Variants in XAB2 observed in about 807,000 individuals in gnomAD.
XAB2 encodes the protein pre-mRNA-splicing factor SYF1.
In XAB2, 57 loss-of-function variants were observed where a neutral mutation model predicts 113.4. The ratio of observed to expected loss-of-function variants is 0.50; its 90% CI spans 0.41 to 0.63. The LOEUF (loss-of-function observed/expected upper bound fraction) is 0.63. Among genes scored for constraint, XAB2 ranks in the 20% least tolerant of loss-of-function variants. The probability of loss-of-function intolerance (pLI) is 0.00; values close to 1 mark genes in which losing one functional copy is unlikely to be tolerated. For synonymous variants in XAB2, 497 were observed against 498.8 expected (o/e 1.00, Z 0.05); for missense variants, 1,037 against 1,233.3 (o/e 0.84, Z 2.38).
rs2335521 is a variant in XAB2, at chr19:7,623,728, T to C, written c.1119+3A>G. ...GGGTAGGACTGGGGCAGGCTTCATG[T>C]ACCTCCCGGGGGCGGCCCTGGTGCA... On this transcript the variant is annotated splice_donor_region_variant and intron_variant, in intron 8 of 18. Coordinates refer to ENST00000358368, the MANE Select transcript of XAB2 (RefSeq NM_020196.3). The surrounding 1 kb of genome is among the most constrained non-coding windows in gnomAD (Gnocchi z 4.6). 221,736 of 1,592,240 alleles carry C rather than the reference T, an allele frequency of 0.14. 16,599 individuals are homozygous for C. The highest frequency in any genetic ancestry group is 0.25 in the Admixed American group (14,154 of 57,552).
chr19:7,627,957 G>T lies in XAB2; in HGVS notation c.201-106C>A. 6.5e-7 allele frequency: 1 copy of T among 1,538,114 alleles called. No individual in the cohort carries two copies. Among genetic ancestry groups the T allele is most frequent in the Non-Finnish European group, 8.8e-7 (1 of 1,137,034 alleles). Reference sequence around the variant, plus strand: ...AATGTGGGAAGAAGGGGTGTGGGAGGGGTGACATGTCTCAGCAATGACAGG... The same window carrying T: ...AATGTGGGAAGAAGGGGTGTGGGAGTGGTGACATGTCTCAGCAATGACAGG... On this transcript the variant is annotated intron_variant, in intron 2 of 18. Coordinates refer to ENST00000358368, the MANE Select transcript of XAB2 (RefSeq NM_020196.3). The surrounding 1 kb of genome is among the most constrained non-coding windows in gnomAD (Gnocchi z 4.5).
Position 7,626,236 on chromosome 19 carries a change from T to A in XAB2, c.557A>T (p.Tyr186Phe). 1.2e-6 allele frequency: 2 copies of A among 1,613,218 alleles called. No individual in the cohort carries two copies. Among genetic ancestry groups the A allele is most frequent in the Non-Finnish European group, 1.7e-6 (2 of 1,180,020 alleles). Residue 186 changes from tyrosine (Y) to phenylalanine (F), a missense_variant, in exon 5 of 19, where the codon TAC (tyrosine) becomes TTC (phenylalanine). By Grantham distance (22) the Tyr-to-Phe change is conservative. Coordinates refer to ENST00000358368, the MANE Select transcript of XAB2 (RefSeq NM_020196.3). ...ATCCAGCCGGTCACTTGACTTGAGG[T>A]ACTCAATGTACTCCTCTGCACTCTC... ...SPESAEEYIE[Y>F]LKSSDRLDEA... is the part of the protein sequence containing the mutation.
At position 7,620,530 on chromosome 19, in the gene XAB2, C is replaced by A. The variant is rs2031008965; in HGVS notation, c.2094+17G>T. ...GCAGCCCCCAACCCTGATACCCGTC[C>A]CTCCCCACAGCCCTACCCGGGGGTC... On this transcript the variant is annotated intron_variant, in intron 15 of 18. Transcript: ENST00000358368. 1 of 1,613,132 alleles carries A rather than the reference C, an allele frequency of 6.2e-7. No homozygotes were observed.
rs397724907 is a variant in XAB2 at position 7,625,473 on chromosome 19, C to CTTT, written c.822+404_822+406dup. On this transcript the variant is annotated intron_variant, in intron 6 of 18. Transcript: ENST00000358368. This position sits in a 1 kb window ranked among gnomAD's most constrained non-coding sequence, Gnocchi z 5.2. ...ATATGCATGTCTGTCAAAAATGGCA[C>CTTT]TTTTTTTTTTTTTTTTTTTTTTTGA... Among the ~76,000 whole-genome samples, 17 of 105,314 alleles carry CTTT rather than the reference C, an allele frequency of 1.6e-4. No individual in the cohort carries two copies. Among genetic ancestry groups the CTTT allele is most frequent in the East Asian group, 2.6e-4 (1 of 3,808 alleles). The allele number at this position is 105,314 out of a possible 152,430, so 69.1% of individuals were successfully genotyped here.
At position 7,622,607 on chromosome 19, in the gene XAB2, C is replaced by T. The variant is rs770507484; in HGVS notation, c.1426G>A (p.Val476Met). ...AGTGACTTGTACACGCGGTTCTGCA[C>T]GGGCTCTGAACCATCAAAGTACTCG... ...RAEYFDGSEP[V>M]QNRVYKSLKV... The change falls in exon 11 of 19, where the codon GTG becomes ATG. Residue 476 changes from valine to methionine, a missense_variant. Transcript: ENST00000358368. The T allele has an allele frequency of 3.7e-6, 6 of 1,612,602 alleles. No individual in the cohort carries two copies. Among genetic ancestry groups the T allele is most frequent in the East Asian group, 2.2e-5 (1 of 44,876 alleles).
chr19:7,621,095 G>GGGC, intron 13 of XAB2, 40 bp downstream of exon 13: 3 of 1,486,186 alleles, frequency 2.0e-6, no homozygotes, highest in African/African-American at 1.4e-5. Flanking sequence ...CAGAAACCCA[G>GGGC]CCCGCCCGCC....
chr19:7,621,292 G>A lies in XAB2; in HGVS notation c.1623C>T (p.Tyr541=), dbSNP rs757218937. The A allele has an allele frequency of 2.8e-5, 45 of 1,612,558 alleles. No individual in the cohort carries two copies. Among genetic ancestry groups the A allele is most frequent in the African/African-American group, 1.5e-4 (11 of 74,910 alleles). ...HKYFEESFKA[Y]ERGISLFKWP... ...ACTTGAACAGCGAGATGCCGCGCTC[G>A]TACGCCTGTTACCAGAGGGAGAGTC... The change falls in exon 13 of 19, where the codon TAC becomes TAT. Residue 541 remains tyrosine, a synonymous_variant. Transcript: ENST00000358368.
rs1399657984 is a variant in XAB2 at position 7,622,582 on chromosome 19, A to G, written c.1451T>C (p.Leu484Pro). The G allele has an allele frequency of 1.9e-6, 3 of 1,613,450 alleles. No homozygotes were observed. Among genetic ancestry groups the G allele is most frequent in the Non-Finnish European group, 2.5e-6 (3 of 1,180,030 alleles). Reference sequence around the variant, plus strand: ...GTCGGCGAGCATGGACCAGACCTTCAGTGACTTGTACACGCGGTTCTGCAC... The same window carrying G: ...GTCGGCGAGCATGGACCAGACCTTCGGTGACTTGTACACGCGGTTCTGCAC... ...EPVQNRVYKS[L>P]KVWSMLADLE... The change falls in exon 11 of 19, where the codon CTG (leucine) becomes CCG (proline). Residue 484 changes from leucine (L) to proline (P), a missense_variant. Coordinates refer to ENST00000358368, the MANE Select transcript of XAB2 (RefSeq NM_020196.3).
chr19:7,629,144 T>G (rs898110318), intron 1 of XAB2, among the ~76,000 whole-genome samples: 1 of 152,176 alleles, frequency 6.6e-6, no homozygotes, highest in African/African-American at 2.4e-5. Flanking sequence ...AAGCCTTTAC[T>G]TCAGACACCG....
Position 7,628,434 on chromosome 19 carries a change from C to T in XAB2, c.52-136G>A, listed in dbSNP as rs2031189127. 11 of 1,046,178 alleles carry T rather than the reference C, an allele frequency of 1.1e-5. No homozygotes were observed. The allele number at this position is 1,046,178 out of a possible 1,614,324, so 64.8% of individuals were successfully genotyped here. On this transcript the variant is annotated intron_variant, in intron 1 of 18. Transcript: ENST00000358368. The surrounding 1 kb of genome is among the most constrained non-coding windows in gnomAD (Gnocchi z 4.6). Reference sequence around the variant, plus strand: ...ACCACCCACCAAGGAAGTCAGGTCACCAGATGCCCAGGCACCAAACCAGAT... The same window carrying T: ...ACCACCCACCAAGGAAGTCAGGTCATCAGATGCCCAGGCACCAAACCAGAT...
rs756661898 is a variant in XAB2, at chr19:7,628,162, A to G, written c.188T>C (p.Leu63Pro). ...LNQLYERALKLLPCSYKLWYR... is the reference protein window; with the variant it reads ...LNQLYERALKPLPCSYKLWYR... ...GAGCCATTCCCACCTGCAGGGCAGC[A>G]GCTTGAGTGCCCGCTCGTATAGCTG... The change falls in exon 2 of 19, where the codon CTG becomes CCG. Residue 63 changes from leucine (L) to proline (P), a missense_variant. Leu to Pro is a moderately conservative substitution (Grantham distance 98, BLOSUM62 -3). Transcript: ENST00000358368. This position sits in a 1 kb window ranked among gnomAD's most constrained non-coding sequence, Gnocchi z 4.6. 1 of 1,613,144 alleles carries G rather than the reference A, an allele frequency of 6.2e-7. No homozygotes were observed. The highest frequency in any genetic ancestry group is 1.3e-5 in the African/African-American group (1 of 74,920).
intron 13 of XAB2, 32 bp downstream of exon 13, chr19:7,621,103 G>GCCCC: frequency 1.4e-6 from 1 of 733,018 alleles, no homozygotes; most frequent in South Asian, 2.0e-5. Flanking sequence ...CAGCCCGCCC[G>GCCCC]CCACCCCCCC....
At position 7,623,563 on chromosome 19, in the gene XAB2, T is replaced by C. The variant is rs1452979628; in HGVS notation, c.1119+168A>G. 6.6e-6 allele frequency among the ~76,000 whole-genome samples: 1 copy of C among 151,912 alleles called. No homozygotes were observed. Among genetic ancestry groups the C allele is most frequent in the Non-Finnish European group, 1.5e-5 (1 of 67,924 alleles). ...GTGGGGCCAGGAGGGACTGTGGCTC[T>C]GAGGGGCGGGGCTCGGGCAGGAGGA... is the stretch of plus-strand genomic sequence containing the variant. On this transcript the variant is annotated intron_variant, in intron 8 of 18. Transcript: ENST00000358368. This position sits in a 1 kb window ranked among gnomAD's most constrained non-coding sequence, Gnocchi z 4.6.
At chr19:7,621,354 C>G in intron 12 of XAB2, 57 bp from the exon 13 acceptor site, 1 of 1,589,488 alleles carries the variant, frequency 6.3e-7, no homozygotes, top group Non-Finnish European at 8.6e-7. Context: ...CACCAGGCAC[C>G]CGGGATGTCC....
At chr19:7,621,096 C>CCCCCCCCCCCCCCCCCCCCCCCCCCCT in intron 13 of XAB2, 39 bp downstream of exon 13, 1 of 818,938 alleles carries the variant, frequency 1.2e-6, no homozygotes, top group Non-Finnish European at 1.8e-6. Context: ...AGAAACCCAG[C>CCCCCCCCCCCCCCCCCCCCCCCCCCCT]CCGCCCGCCA....
chr19:7,624,208 C>T lies in XAB2; in HGVS notation c.967+93G>A. 1 of 1,577,600 alleles carries T rather than the reference C, an allele frequency of 6.3e-7. No individual in the cohort carries two copies. On this transcript the variant is annotated intron_variant, in intron 7 of 18. Coordinates refer to ENST00000358368, the MANE Select transcript of XAB2 (RefSeq NM_020196.3). The surrounding 1 kb of genome is among the most constrained non-coding windows in gnomAD (Gnocchi z 4.2). ...CTTCCCTGCTGGCCCCCAGCTGAGC[C>T]TCCCAGGGCTGCCTCACCTGAGATG...
rs1426745892 is a variant in XAB2, at chr19:7,627,253, C to T, written c.512G>A (p.Arg171His). The part of the protein sequence containing the change: ...LPETAVRGYR[R>H]FLKLSPESAE... ...ACCTGCTAGGCTCACCTTGAGGAAG[C>T]GCCGATAGCCTCGCACAGCTGTCTC... The change falls in exon 4 of 19, where the codon CGC becomes CAC. Residue 171 changes from arginine to histidine, a missense_variant. Physicochemically the swap from Arg to His is conservative, Grantham distance 29 (BLOSUM62 0). Coordinates refer to ENST00000358368, the MANE Select transcript of XAB2 (RefSeq NM_020196.3). This position sits in a 1 kb window ranked among gnomAD's most constrained non-coding sequence, Gnocchi z 4.5. 1.2e-6 allele frequency: 2 copies of T among 1,612,732 alleles called. No homozygotes were observed. The highest frequency in any genetic ancestry group is 2.2e-5 in the South Asian group (2 of 91,078).
At position 7,628,717 on chromosome 19, in the gene XAB2, C is replaced by A. The variant is rs2146190802; in HGVS notation, c.52-419G>T. On this transcript the variant is annotated intron_variant, in intron 1 of 18. Coordinates refer to ENST00000358368, the MANE Select transcript of XAB2 (RefSeq NM_020196.3). The surrounding 1 kb of genome is among the most constrained non-coding windows in gnomAD (Gnocchi z 4.6). ...CCAGGCCTTTGGCCCCTCAGACTCC[C>A]ACTGTCACCATCTGACCCATCTCCA... 6.6e-6 allele frequency among the ~76,000 whole-genome samples: 1 copy of A among 152,240 alleles called. No individual in the cohort carries two copies. Among genetic ancestry groups the A allele is most frequent in the South Asian group, 2.1e-4 (1 of 4,824 alleles).
intron 11 of XAB2, 41 bp downstream of exon 11, chr19:7,622,489 G>A (rs1266441712): frequency 6.2e-7 from 1 of 1,613,806 alleles, no homozygotes; most frequent in Admixed American, 1.7e-5. Context: ...TTCTGGAGCT[G>A]AGTCCGGGGC....
Sources: gnomAD v4.1 joint callset for allele counts (sites outside exome capture counted in the v4.1 genomes callset) on GRCh38, gnomAD v4.1.1 for gene constraint, Gnocchi (gnomAD v3.1) non-coding constraint, MANE v1.5 for transcripts, NCBI Gene and HGNC (gene_info 2026-07-23, HGNC 2026-07-21) for gene names.